NCAM1: variants seen among roughly 807,000 people sequenced by gnomAD.
The protein encoded by NCAM1 is neural cell adhesion molecule 1.
Under a neutral mutation model 109.8 loss-of-function variants are expected in NCAM1, and 14 were observed. The observed-to-expected ratio is 0.13, with a 90% CI of 0.08 to 0.20. The LOEUF (loss-of-function observed/expected upper bound fraction) is 0.20, where lower values mean the gene tolerates loss of function less well. NCAM1 is among the 10% of genes least tolerant of loss of function. The pLI is 1.00. For missense variants in NCAM1, 774 were observed against 1,109.9 expected (o/e 0.70, Z 4.30); for synonymous variants, 418 against 442.9 (o/e 0.94, Z 0.70).
At chr11:113,235,331 G>C (rs1945133598) in intron 14 of NCAM1, 167 bp downstream of exon 14, 1 of 1,378,302 alleles carries the variant, frequency 7.3e-7, no homozygotes, top group African/African-American at 1.4e-5. Context: ...CTCAGTGACA[G>C]CTAACACACA....
At chr11:113,189,218 G>A (rs1555109382) in intron 1 of NCAM1, among the ~76,000 whole-genome samples, 2 of 152,098 alleles carry the variant, frequency 1.3e-5, no homozygotes, top group Non-Finnish European at 2.9e-5. Flanking sequence ...TTGGGAGACT[G>A]AGGCAGGCAG....
chr11:113,275,487 C>G lies in NCAM1; in HGVS notation c.*100C>G. 7.1e-7 allele frequency: 1 copy of G among 1,401,560 alleles called. No individual in the cohort carries two copies. Among genetic ancestry groups the G allele is most frequent in the South Asian group, 1.3e-5 (1 of 75,876 alleles). 86.8% of individuals were successfully genotyped at this position (1,401,560 alleles called of 1,614,324 possible). ...AGACACACACACGCACGCACACACA[C>G]AAACACACATGCACACACACACATC... On this transcript the variant is annotated 3_prime_UTR_variant, in exon 20 of 20. Coordinates refer to ENST00000316851, the MANE Select transcript of NCAM1 (RefSeq NM_181351.5).
intron 1 of NCAM1, among the ~76,000 whole-genome samples, chr11:113,079,017 C>T (rs1938663055): frequency 6.6e-6 from 1 of 152,084 alleles, no homozygotes; most frequent in African/African-American, 2.4e-5. Flanking sequence ...GGAAGCCGGT[C>T]AGTAGGGAGA....
chr11:113,054,651 C>T (rs1256938958), intron 1 of NCAM1, among the ~76,000 whole-genome samples: 4 of 152,208 alleles, frequency 2.6e-5, no homozygotes, highest in African/African-American at 4.8e-5. Flanking sequence ...TTAACCTCCT[C>T]GGCTTTTTGG....
At chr11:113,259,272 C>T (rs991236851) in intron 16 of NCAM1, among the ~76,000 whole-genome samples, 6 of 151,598 alleles carry the variant, frequency 4.0e-5, no homozygotes, top group African/African-American at 1.2e-4. Flanking sequence ...GGGATGGTCT[C>T]GATCTCCTGA....
chr11:113,232,663 A>G lies in NCAM1; in HGVS notation c.1426-55A>G. On this transcript the variant is annotated intron_variant, in intron 11 of 19. Transcript: ENST00000316851. The stretch of plus-strand genomic sequence containing the variant: ...ACTTAATTCAGTAAATAAAGATCTG[A>G]GTCTGTGACCATCCCATAGGACACT... 7 of 1,342,218 alleles carry G rather than the reference A, an allele frequency of 5.2e-6. No individual in the cohort carries two copies. The South Asian group carries it at 8.2e-5, about 16-fold the overall frequency. 83.1% of individuals were successfully genotyped at this position (1,342,218 alleles called of 1,614,324 possible).
At chr11:113,234,943 A>G in intron 13 of NCAM1, 90 bp from the exon 14 acceptor site, 1 of 1,422,134 alleles carries the variant, frequency 7.0e-7, no homozygotes, top group Non-Finnish European at 9.3e-7. Context: ...ATCTACAGTT[A>G]ATTTTTTCAG....
intron 1 of NCAM1, among the ~76,000 whole-genome samples, chr11:113,198,226 C>G (rs782675319): frequency 1.3e-5 from 2 of 152,172 alleles, no homozygotes; most frequent in Non-Finnish European, 2.9e-5. Flanking sequence ...AGTCTTGAAT[C>G]TTGACCCTAT....
At position 113,225,787 on chromosome 11, in the gene NCAM1, T is replaced by A. The variant is rs1944825770; in HGVS notation, c.1089+4462T>A. Among the ~76,000 whole-genome samples the A allele has an allele frequency of 3.3e-5, 5 of 152,174 alleles. No individual in the cohort carries two copies. In the South Asian group the frequency reaches 1.0e-3, roughly 32 times the overall value. ...AGTGGGGGCCAATATTCAACATTCT[T>A]AAAGAAAAGAATTTTCAACACAGAA... On this transcript the variant is annotated intron_variant, in intron 9 of 19. Transcript: ENST00000316851.
chr11:113,030,641 T>A (rs545167500), intron 1 of NCAM1, among the ~76,000 whole-genome samples: 1 of 152,284 alleles, frequency 6.6e-6, no homozygotes, highest in East Asian at 1.9e-4. Flanking sequence ...CAGTTGTACA[T>A]TAGACATATT....
At chr11:113,045,332 C>T (rs1268452822) in intron 1 of NCAM1, among the ~76,000 whole-genome samples, 14 of 140,484 alleles carry the variant, frequency 1.0e-4, no homozygotes, top group Non-Finnish European at 2.0e-4. Flanking sequence ...GGATGAGTCA[C>T]GGCTGGGCGG....
At chr11:113,136,523 G>A (rs1941603796) in intron 1 of NCAM1, among the ~76,000 whole-genome samples, 1 of 152,216 alleles carries the variant, frequency 6.6e-6, no homozygotes, top group East Asian at 1.9e-4. Context: ...TTCCTGTGGG[G>A]TCTGGGTCAG....
intron 1 of NCAM1, among the ~76,000 whole-genome samples, chr11:113,152,896 A>C (rs1240064689): frequency 6.6e-5 from 10 of 152,222 alleles, no homozygotes; most frequent in Non-Finnish European, 1.5e-4. Flanking sequence ...AAGTGTTAAG[A>C]AAGGCAGTGA....
At chr11:113,127,217 G>T (rs1463463739) in intron 1 of NCAM1, among the ~76,000 whole-genome samples, 1 of 152,094 alleles carries the variant, frequency 6.6e-6, no homozygotes, top group Non-Finnish European at 1.5e-5. Context: ...CCAGGAGTGG[G>T]GTTTAGAAAG....
chr11:113,151,969 G>A (rs1645025752), intron 1 of NCAM1, among the ~76,000 whole-genome samples: 1 of 152,234 alleles, frequency 6.6e-6, no homozygotes, highest in African/African-American at 2.4e-5. Flanking sequence ...GGGGATGGAG[G>A]AGGCACACTG....
At chr11:113,234,869 G>C (rs1169318797) in intron 13 of NCAM1, among the ~76,000 whole-genome samples, 164 bp from the exon 14 acceptor site, 1 of 152,248 alleles carries the variant, frequency 6.6e-6, no homozygotes, top group Non-Finnish European at 1.5e-5. Flanking sequence ...ATCTGTATCT[G>C]TTTGGTCCCG....
At chr11:113,243,083 G>A in intron 14 of NCAM1, 1 of 734,780 alleles carries the variant, frequency 1.4e-6, no homozygotes, top group Non-Finnish European at 1.7e-6. Flanking sequence ...CGTGCATGAG[G>A]AGGCTTTTCC....
chr11:113,087,555 C>T (rs1028754133), intron 1 of NCAM1, among the ~76,000 whole-genome samples: 1 of 152,170 alleles, frequency 6.6e-6, no homozygotes, highest in Non-Finnish European at 1.5e-5. Context: ...GTTGTCCACA[C>T]CTTAGTGACC....
At chr11:113,033,985 C>T (rs1478002466) in intron 1 of NCAM1, among the ~76,000 whole-genome samples, 3 of 152,112 alleles carry the variant, frequency 2.0e-5, no homozygotes, top group Non-Finnish European at 4.4e-5. Flanking sequence ...TTCTGACTTG[C>T]AATTTATTCT....
Sources: allele counts gnomAD v4.1 joint callset (sites outside exome capture counted in the v4.1 genomes callset), GRCh38; gene constraint gnomAD v4.1.1; transcripts MANE v1.5; gene names NCBI Gene and HGNC (gene_info 2026-07-23, HGNC 2026-07-21).